MEF2C: variants seen among roughly 807,000 people sequenced by gnomAD.
MEF2C encodes the protein myocyte-specific enhancer factor 2C.
MEF2C carries 6 observed loss-of-function variants against 50.5 expected under a neutral mutation model. That is an observed-to-expected ratio of 0.12 (90% CI 0.07 to 0.23). The LOEUF (loss-of-function observed/expected upper bound fraction) is 0.23. MEF2C is among the 10% of genes least tolerant of loss of function. The pLI is 1.00. For synonymous variants in MEF2C, 183 were observed against 228.0 expected (o/e 0.80, Z 1.78); for missense variants, 276 against 605.0 (o/e 0.46, Z 5.70).
chr5:88,794,074 T>C (rs1212610389), intron 3 of MEF2C, among the ~76,000 whole-genome samples: 2 of 152,210 alleles, frequency 1.3e-5, no homozygotes, highest in Admixed American at 6.5e-5. Context: ...TTCCAAGTCT[T>C]TGCTATTGTG....
chr5:88,743,380 A>G, intron 6 of MEF2C: 4 of 985,428 alleles, frequency 4.1e-6, no homozygotes, highest in Non-Finnish European at 4.8e-6. Context: ...AAAGTCAGCC[A>G]AGAAATTTTT....
At chr5:88,890,937 G>A (rs754550656) in intron 1 of MEF2C, among the ~76,000 whole-genome samples, 2 of 152,192 alleles carry the variant, frequency 1.3e-5, no homozygotes, top group Non-Finnish European at 2.9e-5. Flanking sequence ...AGTATACTTT[G>A]TGCCAGACAA....
intron 1 of MEF2C, among the ~76,000 whole-genome samples, chr5:88,870,084 T>C (rs374541081): frequency 9.2e-5 from 14 of 151,942 alleles, no homozygotes; most frequent in South Asian, 4.2e-4. Flanking sequence ...AAGATATGTA[T>C]TGAAGGATTA....
At chr5:88,868,076 CCT>C (rs1230246050) in intron 1 of MEF2C, among the ~76,000 whole-genome samples, 2 of 152,112 alleles carry the variant, frequency 1.3e-5, no homozygotes, top group Non-Finnish European at 1.5e-5. Flanking sequence ...GGTGGTACCC[CCT>C]GTGTTGGAAA....
rs913244066 is a variant in MEF2C at position 88,720,245 on chromosome 5, G to A, written c.*2359C>T. On this transcript the variant is annotated 3_prime_UTR_variant, in exon 11 of 11. Coordinates refer to ENST00000504921, the MANE Select transcript of MEF2C (RefSeq NM_002397.5). ...GTGTGTATGAGTGTGTATATTTTCAGGGATGTTTTTGTTTTTCCTCTGCAT... is the reference window on the plus strand; with the variant it reads ...GTGTGTATGAGTGTGTATATTTTCAAGGATGTTTTTGTTTTTCCTCTGCAT... 6.6e-6 allele frequency: 1 copy of A among 152,138 alleles called. No homozygotes were observed. The highest frequency in any genetic ancestry group is 1.5e-5 in the Non-Finnish European group (1 of 67,910). 9.4% of individuals were successfully genotyped at this position (152,138 alleles called of 1,614,324 possible).
chr5:88,793,361 T>C (rs1400440714), intron 3 of MEF2C, among the ~76,000 whole-genome samples: 1 of 151,874 alleles, frequency 6.6e-6, no homozygotes, highest in Non-Finnish European at 1.5e-5. Flanking sequence ...GGCAGGGAAA[T>C]TGCAAAAAGT....
intron 3 of MEF2C, among the ~76,000 whole-genome samples, chr5:88,787,998 G>C (rs955519927): frequency 6.6e-6 from 1 of 152,090 alleles, no homozygotes; most frequent in African/African-American, 2.4e-5. Context: ...TGCCAACTGA[G>C]TGATTCAACT....
chr5:88,872,965 G>C (rs1006061781), intron 1 of MEF2C, among the ~76,000 whole-genome samples: 6 of 151,840 alleles, frequency 4.0e-5, no homozygotes, highest in Admixed American at 2.6e-4. Flanking sequence ...TTGTTTAAAC[G>C]ATCTTCTCTC....
chr5:88,831,926 A>G (rs911165888), intron 1 of MEF2C, among the ~76,000 whole-genome samples: 1 of 152,098 alleles, frequency 6.6e-6, no homozygotes, highest in Non-Finnish European at 1.5e-5. Flanking sequence ...AAATGATCCC[A>G]ACTGGCCCCA....
intron 2 of MEF2C, among the ~76,000 whole-genome samples, chr5:88,815,717 T>A (rs186368612): frequency 5.3e-5 from 8 of 152,194 alleles, no homozygotes; most frequent in African/African-American, 1.9e-4. Flanking sequence ...ACCCTAATAA[T>A]TTTTGAAGTA....
intron 1 of MEF2C, among the ~76,000 whole-genome samples, chr5:88,874,788 A>T (rs542066378): frequency 1.6e-4 from 25 of 152,154 alleles, no homozygotes; most frequent in Admixed American, 4.6e-4. Context: ...GTAGTGGGTT[A>T]ACAACTAAGC....
chr5:88,901,191 A>C (rs1835617830), intron 1 of MEF2C, among the ~76,000 whole-genome samples: 2 of 151,770 alleles, frequency 1.3e-5, no homozygotes, highest in Admixed American at 1.3e-4. Context: ...TTTTATCTAT[A>C]GTCTAGTTAT....
At chr5:88,723,987 T>C (rs767757986) in intron 10 of MEF2C, among the ~76,000 whole-genome samples, 8 of 152,192 alleles carry the variant, frequency 5.3e-5, no homozygotes, top group Non-Finnish European at 1.0e-4. Flanking sequence ...GGATAAACCA[T>C]AGTGGCATTG....
chr5:88,869,254 T>A (rs1448690356), intron 1 of MEF2C, among the ~76,000 whole-genome samples: 2 of 48,338 alleles, frequency 4.1e-5, no homozygotes, highest in African/African-American at 4.1e-4. Flanking sequence ...CTAGTTTTCA[T>A]ATATATATAT....
chr5:88,735,681 A>G, intron 6 of MEF2C: 1 of 985,442 alleles, frequency 1.0e-6, no homozygotes. Context: ...TAGAACTTGA[A>G]TGTGGTGTTA....
chr5:88,743,658 C>G (rs1356439322), intron 6 of MEF2C: 11 of 985,272 alleles, frequency 1.1e-5, no homozygotes, highest in Non-Finnish European at 1.3e-5. Context: ...GAGTCATGAC[C>G]TAAGGTCTTG....
At chr5:88,750,566 C>T (rs375214075) in intron 5 of MEF2C, among the ~76,000 whole-genome samples, 5 of 152,020 alleles carry the variant, frequency 3.3e-5, no homozygotes, top group African/African-American at 4.8e-5. Context: ...TTGGAAATAC[C>T]GTATCAAATT....
rs146149886 is a variant in MEF2C, at chr5:88,771,062, G to A, written c.259-9734C>T. The stretch of plus-strand genomic sequence containing the variant: ...TGGCGGCAGGCAAGAGAGCTTGTGC[G>A]GGGGAACCCCCATTTATAAAACCAT... On this transcript the variant is annotated intron_variant, in intron 3 of 10. Transcript: ENST00000504921. Among the ~76,000 whole-genome samples the A allele has an allele frequency of 4.0e-3, 605 of 152,300 alleles. 1 individual carries two copies. Among genetic ancestry groups the A allele is most frequent in the Middle Eastern group, 0.02 (6 of 294 alleles).
chr5:88,838,701 T>C (rs567101598), intron 1 of MEF2C: 14 of 985,324 alleles, frequency 1.4e-5, no homozygotes, highest in South Asian at 1.4e-4. Flanking sequence ...CTGGCCATTA[T>C]CCTTACCCTC....
Sources: allele counts gnomAD v4.1 joint callset (sites outside exome capture counted in the v4.1 genomes callset), GRCh38; gene constraint gnomAD v4.1.1; transcripts MANE v1.5; gene names NCBI Gene and HGNC (gene_info 2026-07-23, HGNC 2026-07-21).